TEX11: variants seen among roughly 807,000 people sequenced by gnomAD.
TEX11 encodes testis-expressed protein 11.
TEX11 carries 7 observed loss-of-function variants against 84.4 expected under a neutral mutation model. That is an observed-to-expected ratio of 0.08 (90% confidence interval 0.05 to 0.16). The LOEUF (loss-of-function observed/expected upper bound fraction) is 0.16, where lower values mean the gene tolerates loss of function less well. Ranked by LOEUF, TEX11 falls within the 10% of genes least tolerant of loss-of-function variation. The pLI is 1.00. For missense variants in TEX11, 551 were observed against 660.5 expected (o/e 0.83, Z 1.82); for synonymous variants, 264 against 222.8 (o/e 1.18, Z -1.64).
intron 15 of TEX11, among the ~76,000 whole-genome samples, chrX:70,677,034 C>T (rs887731671): frequency 4.5e-5 from 5 of 112,066 alleles, no homozygotes; most frequent in Admixed American, 9.4e-5. Context: ...GGGTCAGTAT[C>T]GATTGATTGC....
At chrX:70,591,088 T>C in intron 25 of TEX11, among the ~76,000 whole-genome samples, 1 of 112,204 alleles carries the variant, frequency 8.9e-6, no homozygotes, top group Non-Finnish European at 1.9e-5. Context: ...GCAGTATCTG[T>C]TATCTTGATT....
At chrX:70,670,553 C>G in intron 15 of TEX11, 39 bp from the exon 16 acceptor site, 1 of 1,160,863 alleles carries the variant, frequency 8.6e-7, no homozygotes, top group Non-Finnish European at 1.1e-6. Flanking sequence ...ACAGCGATGT[C>G]GCTACCCTAT....
intron 2 of TEX11, among the ~76,000 whole-genome samples, chrX:70,895,511 A>T (rs2147884387): frequency 8.9e-6 from 1 of 112,105 alleles, no homozygotes; most frequent in East Asian, 2.8e-4. Flanking sequence ...TTGCAGAATT[A>T]GAAAAACTAC....
chrX:70,600,461 G>A (rs2089084945), intron 24 of TEX11, among the ~76,000 whole-genome samples: 1 of 110,854 alleles, frequency 9.0e-6, no homozygotes, highest in Non-Finnish European at 1.9e-5. Flanking sequence ...AGATCAATGA[G>A]ACAGAATGTC....
At chrX:70,857,119 G>A (rs888189122) in intron 5 of TEX11, 1 of 111,936 alleles carries the variant, frequency 8.9e-6, no homozygotes, top group African/African-American at 3.3e-5. Flanking sequence ...GCCCCATCTG[G>A]GAGGAGTTCA....
chrX:70,847,679 C>T (rs768307557), intron 7 of TEX11, among the ~76,000 whole-genome samples: 48 of 111,631 alleles, frequency 4.3e-4, no homozygotes, highest in Middle Eastern at 4.6e-3. Flanking sequence ...GAAGCTGAGA[C>T]CACAGGCATG....
chrX:70,821,956 C>T (rs1250075866), intron 8 of TEX11, among the ~76,000 whole-genome samples: 1 of 111,076 alleles, frequency 9.0e-6, no homozygotes, highest in African/African-American at 3.3e-5. Flanking sequence ...GTTCCAGGAC[C>T]CTCTGTGGAT....
Position 70,558,922 on chromosome X carries a change from G to A in TEX11, c.2141-4122C>T, listed in dbSNP as rs1472597649. ...AATAAAAAAGGCAGGTAATACAAGT[G>A]TTGAGAAGGAGGTGGAGAAACTGGA... On this transcript the variant is annotated intron_variant, in intron 25 of 29. Coordinates refer to ENST00000374333, the MANE Select transcript of TEX11 (RefSeq NM_031276.3). Among the ~76,000 whole-genome samples, 3 of 112,080 alleles carry A rather than the reference G, an allele frequency of 2.7e-5. No homozygotes were observed. The East Asian group carries it at 8.3e-4, about 31-fold the overall frequency.
chrX:70,583,523 G>A lies in TEX11; in HGVS notation c.2140+8228C>T, dbSNP rs151154291. ...TGTCCAATCTTCCATTGATGGATAC[G>A]TAGGTTGACTCCATATCATTGCAAC... On this transcript the variant is annotated intron_variant, in intron 25 of 29. Transcript: ENST00000374333. Among the ~76,000 whole-genome samples the A allele has an allele frequency of 1.4e-4, 16 of 112,087 alleles. No individual in the cohort carries two copies. The East Asian group carries it at 3.9e-3, about 27-fold the overall frequency.
At chrX:70,707,780 A>G (rs2090389426) in intron 13 of TEX11, among the ~76,000 whole-genome samples, 1 of 111,045 alleles carries the variant, frequency 9.0e-6, no homozygotes. Flanking sequence ...GTCAGTGCAC[A>G]CAATGAGGTA....
intron 25 of TEX11, among the ~76,000 whole-genome samples, chrX:70,566,598 G>A (rs1313500819): frequency 9.0e-6 from 1 of 111,314 alleles, no homozygotes; most frequent in East Asian, 2.8e-4. Context: ...AATTTATTGA[G>A]AATTTTTAGC....
chrX:70,693,028 G>T (rs1001416774), intron 13 of TEX11, among the ~76,000 whole-genome samples: 4 of 111,245 alleles, frequency 3.6e-5, no homozygotes, highest in African/African-American at 1.3e-4. Context: ...ATTACCTGAG[G>T]TCAGGAGTTC....
intron 20 of TEX11, among the ~76,000 whole-genome samples, chrX:70,620,377 A>G (rs1025742314): frequency 3.6e-5 from 4 of 111,697 alleles, no homozygotes; most frequent in African/African-American, 1.3e-4. Context: ...ACATCATCAG[A>G]AAAATACAAA....
chrX:70,539,039 T>TATATATATATATATATATATA (rs1555978760), intron 28 of TEX11, among the ~76,000 whole-genome samples: 1 of 16,621 alleles, frequency 6.0e-5, no homozygotes, highest in Non-Finnish European at 1.0e-4. Context: ...TATATATATA[T>TATATATATATATATATATATA]TTTTTTTTTT....
chrX:70,573,075 T>C (rs1569334844), intron 25 of TEX11, among the ~76,000 whole-genome samples: 1 of 111,642 alleles, frequency 9.0e-6, no homozygotes, highest in Non-Finnish European at 1.9e-5. Flanking sequence ...AGATATATAT[T>C]GGGAACAGGG....
chrX:70,838,316 G>A (rs191007983), intron 7 of TEX11, among the ~76,000 whole-genome samples: 10 of 111,335 alleles, frequency 9.0e-5, no homozygotes, highest in East Asian at 2.8e-4. Flanking sequence ...CTAGCTACTC[G>A]GGAGGCTGAG....
chrX:70,540,777 C>A (rs930680833), intron 28 of TEX11, among the ~76,000 whole-genome samples: 1 of 111,900 alleles, frequency 8.9e-6, no homozygotes, highest in Non-Finnish European at 1.9e-5. Context: ...CCAGTCAGCT[C>A]TTCCTGGGGA....
At chrX:70,853,354 T>C in intron 5 of TEX11, 26 bp from the exon 6 acceptor site, 1 of 1,089,275 alleles carries the variant, frequency 9.2e-7, no homozygotes, top group Non-Finnish European at 1.3e-6. Context: ...TAGAAAATAA[T>C]TTTTAAAAAT....
chrX:70,741,385 T>G (rs1173715202), intron 10 of TEX11, among the ~76,000 whole-genome samples: 1 of 111,553 alleles, frequency 9.0e-6, no homozygotes, highest in Non-Finnish European at 1.9e-5. Flanking sequence ...TCAAAAATAA[T>G]CTAGAGTAGT....
Sources: allele counts gnomAD v4.1 joint callset (sites outside exome capture counted in the v4.1 genomes callset), GRCh38; gene constraint gnomAD v4.1.1; transcripts MANE v1.5; gene names NCBI Gene and HGNC (gene_info 2026-07-23, HGNC 2026-07-21).